Variants in FAM110D observed in about 807,000 individuals in gnomAD.
FAM110D encodes protein FAM110D.
For synonymous variants in FAM110D, 174 were observed against 189.4 expected (o/e 0.92, Z 0.67); for missense variants, 376 against 395.6 (o/e 0.95, Z 0.42).
intron 1 of FAM110D, among the ~76,000 whole-genome samples, chr1:26,160,728 G>C (rs2088358028): frequency 6.6e-6 from 1 of 152,210 alleles, no homozygotes; most frequent in Admixed American, 6.5e-5. Flanking sequence ...GCCTGGGCAG[G>C]GCAGTTGGCT....
rs1312960211 is a variant in FAM110D, at chr1:26,163,893, G to A, written c.*1786G>A. 2.9e-6 allele frequency: 1 copy of A among 349,228 alleles called. No homozygotes were observed. The highest frequency in any genetic ancestry group is 5.1e-6 in the Non-Finnish European group (1 of 195,322). The allele number at this position is 349,228 out of a possible 1,614,324, so 21.6% of individuals were successfully genotyped here. On this transcript the variant is annotated 3_prime_UTR_variant, in exon 2 of 2. Coordinates refer to ENST00000374268, the MANE Select transcript of FAM110D (RefSeq NM_024869.3). ...TGAATTAAATGAGGCTGGAGAGGGC[G>A]ATGGACGCAGTCCTCTGGAGCTCTC... is the stretch of plus-strand genomic sequence containing the variant.
intron 1 of FAM110D, among the ~76,000 whole-genome samples, chr1:26,160,055 C>T (rs753811712): frequency 6.0e-5 from 9 of 150,248 alleles, no homozygotes; most frequent in African/African-American, 9.8e-5. Flanking sequence ...TTTATAGCAG[C>T]GGGAATACAC....
chr1:26,161,585 CA>C lies in FAM110D; in HGVS notation c.297del (p.Glu100ArgfsTer255). 1 of 1,550,422 alleles carries C rather than the reference CA, an allele frequency of 6.4e-7. No homozygotes were observed. Among genetic ancestry groups the C allele is most frequent in the Non-Finnish European group, 8.7e-7 (1 of 1,146,996 alleles). ...AGCGGGACTGCAAGGCTTCGGTGAA[CA>C]AAGAGAACGCCAAGGGCCAGGGTCT... is the stretch of plus-strand genomic sequence containing the variant. ...QKRDCKASVNKENAKGQGLVR... is the reference protein window; with the variant it reads ...QKRDCKASVNXENAKGQGLVR... On this transcript the variant is annotated frameshift_variant, in exon 2 of 2. Coordinates refer to ENST00000374268, the MANE Select transcript of FAM110D (RefSeq NM_024869.3). LOFTEE classifies it low-confidence loss of function (END_TRUNC). This position sits in a 1 kb window ranked among gnomAD's most constrained non-coding sequence, Gnocchi z 5.4.
At position 26,161,607 on chromosome 1, in the gene FAM110D, G is replaced by C; in HGVS notation, c.316G>C (p.Gly106Arg). ...GAACAAAGAGAACGCCAAGGGCCAG[G>C]GTCTGGTGCGGCGCCTCTTTCTGGG... The part of the protein sequence containing the change: ...SVNKENAKGQ[G>R]LVRRLFLGAP... Residue 106 changes from glycine to arginine, a missense_variant, in exon 2 of 2, where the codon GGT (glycine) becomes CGT (arginine). By Grantham distance (125) the Gly-to-Arg change is moderately radical. Transcript: ENST00000374268. This position sits in a 1 kb window ranked among gnomAD's most constrained non-coding sequence, Gnocchi z 5.4. The C allele has an allele frequency of 1.3e-6, 2 of 1,550,572 alleles. No individual in the cohort carries two copies. The highest frequency in any genetic ancestry group is 1.7e-6 in the Non-Finnish European group (2 of 1,147,096).
Position 26,161,181 on chromosome 1 carries a change from C to T in FAM110D, c.-80-31C>T. 1 of 1,119,684 alleles carries T rather than the reference C, an allele frequency of 8.9e-7. No individual in the cohort carries two copies. Among genetic ancestry groups the T allele is most frequent in the Non-Finnish European group, 1.3e-6 (1 of 799,260 alleles). The allele number at this position is 1,119,684 out of a possible 1,614,324, so 69.4% of individuals were successfully genotyped here. A position where few individuals can be genotyped will look rare whatever the true frequency, so the allele number is the denominator to read the frequency against. On this transcript the variant is annotated intron_variant, in intron 1 of 1. Coordinates refer to ENST00000374268, the MANE Select transcript of FAM110D (RefSeq NM_024869.3). The surrounding 1 kb of genome is among the most constrained non-coding windows in gnomAD (Gnocchi z 5.4). ...AGGAGAGGACCAGGGGCATTTCCTACCCTTCCCCTGACCTTCCTCTCTCCC... is the reference window on the plus strand; with the variant it reads ...AGGAGAGGACCAGGGGCATTTCCTATCCTTCCCCTGACCTTCCTCTCTCCC...
chr1:26,160,796 G>T (rs540447352), intron 1 of FAM110D, among the ~76,000 whole-genome samples: 16 of 152,334 alleles, frequency 1.1e-4, no homozygotes, highest in African/African-American at 3.8e-4. Context: ...GTTTGGGGGC[G>T]GGAAGGGTGG....
rs1328904258 is a variant in FAM110D at position 26,161,460 on chromosome 1, G to A, written c.169G>A (p.Glu57Lys). ...GCCGCTCACGCCGCACCCCTGCAAC[G>A]AGCTGGGGCCCCCTGCATCGCCCAG... ...PGPLTPHPCN[E>K]LGPPASPRTP... Residue 57 changes from glutamate to lysine, a missense_variant, in exon 2 of 2, where the codon GAG becomes AAG. Physicochemically the swap from Glu to Lys is moderately conservative, Grantham distance 56. Coordinates refer to ENST00000374268, the MANE Select transcript of FAM110D (RefSeq NM_024869.3). The surrounding 1 kb of genome is among the most constrained non-coding windows in gnomAD (Gnocchi z 5.4). The A allele has an allele frequency of 6.4e-7, 1 of 1,566,516 alleles. No homozygotes were observed. Among genetic ancestry groups the A allele is most frequent in the African/African-American group, 1.4e-5 (1 of 73,808 alleles).
rs1234533956 is a variant in FAM110D, at chr1:26,161,947, ACAGCCCGGG to A, written c.658_666del (p.Ser220_Gly222del). On this transcript the variant is annotated inframe_deletion, in exon 2 of 2. Transcript: ENST00000374268. The surrounding 1 kb of genome is among the most constrained non-coding windows in gnomAD (Gnocchi z 5.4). The stretch of plus-strand genomic sequence containing the variant: ...TGGACATCCAGCGACAGGGGCGTGG[ACAGCCCGGG>A]CGGCGCGGGCGGCGGCGGCGGCTCG... 3.8e-5 allele frequency: 49 copies of A among 1,277,776 alleles called. 1 individual carries two copies. The highest frequency in any genetic ancestry group is 2.9e-4 in the Admixed American group (7 of 23,806). The allele number at this position is 1,277,776 out of a possible 1,614,324, so 79.2% of individuals were successfully genotyped here.
In FAM110D at chr1:26,161,507, GGGAAGCGGCAGGC is replaced by G; in HGVS notation, c.219_231del (p.Ser74CysfsTer20). On this transcript the variant is annotated frameshift_variant, in exon 2 of 2. Coordinates refer to ENST00000374268, the MANE Select transcript of FAM110D (RefSeq NM_024869.3). LOFTEE classifies it low-confidence loss of function (END_TRUNC). This position sits in a 1 kb window ranked among gnomAD's most constrained non-coding sequence, Gnocchi z 5.4. ...CCAGGACGCCCAGGCCGGTCCGCCG[GGGAAGCGGCAGGC>G]GGCTGCCGAGGCCTGATTCCCTCAT... 3 of 1,552,292 alleles carry G rather than the reference GGGAAGCGGCAGGC, an allele frequency of 1.9e-6. No individual in the cohort carries two copies. The highest frequency in any genetic ancestry group is 2.6e-6 in the Non-Finnish European group (3 of 1,148,016).
In FAM110D at chr1:26,161,793, T is replaced by A; in HGVS notation, c.502T>A (p.Tyr168Asn). The A allele has an allele frequency of 6.4e-7, 1 of 1,550,876 alleles. No homozygotes were observed. The highest frequency in any genetic ancestry group is 8.7e-7 in the Non-Finnish European group (1 of 1,148,050). ...PLSEKERFFN[Y>N]CGLERALVEV... The stretch of plus-strand genomic sequence containing the variant: ...GTCGGAGAAGGAGCGCTTCTTCAAC[T>A]ACTGCGGCCTGGAGCGCGCGCTGGT... Residue 168 changes from tyrosine to asparagine, a missense_variant, in exon 2 of 2, where the codon TAC (tyrosine) becomes AAC (asparagine). Coordinates refer to ENST00000374268, the MANE Select transcript of FAM110D (RefSeq NM_024869.3). The surrounding 1 kb of genome is among the most constrained non-coding windows in gnomAD (Gnocchi z 5.4).
Position 26,161,720 on chromosome 1 carries a change from G to A in FAM110D, c.429G>A (p.Pro143=), listed in dbSNP as rs553888360. ...GTTGGGCTGCGCCCCAGGATGCCCC[G>A]GAAGCGGCGGGAAAGCGGGCGCTGT... ...SGGWAAPQDA[P]EAAGKRALCP... The change falls in exon 2 of 2, where the codon CCG becomes CCA. Residue 143 remains proline, a synonymous_variant. Transcript: ENST00000374268. This position sits in a 1 kb window ranked among gnomAD's most constrained non-coding sequence, Gnocchi z 5.4. The A allele has an allele frequency of 6.5e-7, 1 of 1,548,808 alleles. No homozygotes were observed.
Position 26,161,561 on chromosome 1 carries a change from G to A in FAM110D, c.270G>A (p.Lys90=), listed in dbSNP as rs1342565176. The A allele has an allele frequency of 6.5e-7, 1 of 1,550,298 alleles. No homozygotes were observed. The change falls in exon 2 of 2, where the codon AAG becomes AAA. Residue 90 remains lysine (K), a synonymous_variant. Coordinates refer to ENST00000374268, the MANE Select transcript of FAM110D (RefSeq NM_024869.3). The surrounding 1 kb of genome is among the most constrained non-coding windows in gnomAD (Gnocchi z 5.4). ...RPDSLIFYRQ[K]RDCKASVNKE... ...ATTCCCTCATCTTCTACCGCCAGAAGCGGGACTGCAAGGCTTCGGTGAACA... is the reference window on the plus strand; with the variant it reads ...ATTCCCTCATCTTCTACCGCCAGAAACGGGACTGCAAGGCTTCGGTGAACA...
Position 26,162,159 on chromosome 1 carries a change from C to A in FAM110D, c.*52C>A. On this transcript the variant is annotated 3_prime_UTR_variant, in exon 2 of 2. Coordinates refer to ENST00000374268, the MANE Select transcript of FAM110D (RefSeq NM_024869.3). This position sits in a 1 kb window ranked among gnomAD's most constrained non-coding sequence, Gnocchi z 5.3. ...GACTGGCCCCGGGCACGGAAAAGGA[C>A]ACCCCTCTTCTGGCGCGCTGGGTGC... is the stretch of plus-strand genomic sequence containing the variant. The A allele has an allele frequency of 8.8e-7, 1 of 1,138,590 alleles. No homozygotes were observed. Among genetic ancestry groups the A allele is most frequent in the Non-Finnish European group, 1.1e-6 (1 of 893,416 alleles). The allele number at this position is 1,138,590 out of a possible 1,614,324, so 70.5% of individuals were successfully genotyped here. A position where few individuals can be genotyped will look rare whatever the true frequency, so the allele number is the denominator to read the frequency against.
In FAM110D at chr1:26,161,980, C is replaced by A. The variant is rs942409325; in HGVS notation, c.689C>A (p.Ser230Ter). The A allele has an allele frequency of 8.1e-7, 1 of 1,240,126 alleles. No homozygotes were observed. The highest frequency in any genetic ancestry group is 1.0e-6 in the Non-Finnish European group (1 of 996,388). The allele number at this position is 1,240,126 out of a possible 1,614,324, so 76.8% of individuals were successfully genotyped here. A position where few individuals can be genotyped will look rare whatever the true frequency, so the allele number is the denominator to read the frequency against. ...GGCGGCGCGGGCGGCGGCGGCGGCTCGGAGGCAGCGGGCTCGGCGCGGGAC... is the reference window on the plus strand; with the variant it reads ...GGCGGCGCGGGCGGCGGCGGCGGCTAGGAGGCAGCGGGCTCGGCGCGGGAC... ...SPGGAGGGGG[S>*]EAAGSARDRR... is the part of the protein sequence containing the mutation. Residue 230 changes from serine (S) to a stop codon, truncating the protein, a stop_gained, in exon 2 of 2, where the codon TCG (serine) becomes TAG (stop). Coordinates refer to ENST00000374268, the MANE Select transcript of FAM110D (RefSeq NM_024869.3). LOFTEE classifies it low-confidence loss of function (END_TRUNC). The surrounding 1 kb of genome is among the most constrained non-coding windows in gnomAD (Gnocchi z 5.4).
rs954831198 is a variant in FAM110D, at chr1:26,161,646, G to A, written c.355G>A (p.Ala119Thr). The stretch of plus-strand genomic sequence containing the variant: ...CCTCTTTCTGGGTGCCCCGCGGGAC[G>A]CTGCCCCGAGCAGCCCGGCCTCCAC... ...RRLFLGAPRD[A>T]APSSPASTER... Residue 119 changes from alanine (A) to threonine (T), a missense_variant, in exon 2 of 2, where the codon GCT becomes ACT. Transcript: ENST00000374268. This position sits in a 1 kb window ranked among gnomAD's most constrained non-coding sequence, Gnocchi z 5.4. 6 of 1,552,100 alleles carry A rather than the reference G, an allele frequency of 3.9e-6. No homozygotes were observed.
rs2124492335 is a variant in FAM110D at position 26,162,531 on chromosome 1, A to G, written c.*424A>G. On this transcript the variant is annotated 3_prime_UTR_variant, in exon 2 of 2. Coordinates refer to ENST00000374268, the MANE Select transcript of FAM110D (RefSeq NM_024869.3). This position sits in a 1 kb window ranked among gnomAD's most constrained non-coding sequence, Gnocchi z 5.3. ...ACCCCTCGGTTATTAAGGAGGGAGGAGTAGGGGATAGAAGTATTTCAAAAT... is the reference window on the plus strand; with the variant it reads ...ACCCCTCGGTTATTAAGGAGGGAGGGGTAGGGGATAGAAGTATTTCAAAAT... The G allele has an allele frequency of 5.7e-6, 1 of 176,674 alleles. No homozygotes were observed. The highest frequency in any genetic ancestry group is 1.8e-4 in the East Asian group (1 of 5,640). 10.9% of individuals were successfully genotyped at this position (176,674 alleles called of 1,614,324 possible). A position where few individuals can be genotyped will look rare whatever the true frequency, so the allele number is the denominator to read the frequency against.
chr1:26,163,330 CTCTTTTTTTTTTTTTTTTTTTTT>C lies in FAM110D; in HGVS notation c.*1225_*1247del, dbSNP rs1332540622. 1 of 52,066 alleles carries C rather than the reference CTCTTTTTTTTTTTTTTTTTTTTT, an allele frequency of 1.9e-5. No individual in the cohort carries two copies. The allele number at this position is 52,066 out of a possible 1,614,324, so 3.2% of individuals were successfully genotyped here. A position where few individuals can be genotyped will look rare whatever the true frequency, so the allele number is the denominator to read the frequency against. On this transcript the variant is annotated 3_prime_UTR_variant, in exon 2 of 2. Coordinates refer to ENST00000374268, the MANE Select transcript of FAM110D (RefSeq NM_024869.3). ...GTTCCTTTTCTCTCTGCTCTTCCTT[CTCTTTTTTTTTTTTTTTTTTTTT>C]TTTTTTTTTGAGACGGAGTCTCGCT...
Position 26,161,101 on chromosome 1 carries a change from G to A in FAM110D, c.-80-111G>A, listed in dbSNP as rs1569851653. 2 of 581,904 alleles carry A rather than the reference G, an allele frequency of 3.4e-6. No homozygotes were observed. The highest frequency in any genetic ancestry group is 2.5e-5 in the South Asian group (1 of 40,500). The allele number at this position is 581,904 out of a possible 1,614,324, so 36.0% of individuals were successfully genotyped here. On this transcript the variant is annotated intron_variant, in intron 1 of 1. Coordinates refer to ENST00000374268, the MANE Select transcript of FAM110D (RefSeq NM_024869.3). The surrounding 1 kb of genome is among the most constrained non-coding windows in gnomAD (Gnocchi z 5.4). Reference sequence around the variant, plus strand: ...GCCTCTGCTCCCTGGATGTGGCACCGGCTAACCTGGATGGGAGAGGGTGGC... The same window carrying A: ...GCCTCTGCTCCCTGGATGTGGCACCAGCTAACCTGGATGGGAGAGGGTGGC...
In FAM110D at chr1:26,161,516, C is replaced by G; in HGVS notation, c.225C>G (p.Gly75=). ...RTPRPVRRGS[G]RRLPRPDSLI... ...CCAGGCCGGTCCGCCGGGGAAGCGG[C>G]AGGCGGCTGCCGAGGCCTGATTCCC... Residue 75 remains glycine (G), a synonymous_variant, in exon 2 of 2, where the codon GGC becomes GGG. Coordinates refer to ENST00000374268, the MANE Select transcript of FAM110D (RefSeq NM_024869.3). This position sits in a 1 kb window ranked among gnomAD's most constrained non-coding sequence, Gnocchi z 5.4. The G allele has an allele frequency of 6.4e-7, 1 of 1,551,210 alleles. No individual in the cohort carries two copies.
Sources: allele counts gnomAD v4.1 joint callset (sites outside exome capture counted in the v4.1 genomes callset), GRCh38; gene constraint gnomAD v4.1.1; non-coding constraint Gnocchi (gnomAD v3.1); transcripts MANE v1.5; gene names NCBI Gene and HGNC (gene_info 2026-07-23, HGNC 2026-07-21).